The following CLASP2 variants were observed in gnomAD, a reference collection of about 807,000 sequenced individuals.
CLASP2 encodes cytoplasmic linker associated protein 2.
Under a neutral mutation model 194.4 loss-of-function variants are expected in CLASP2, and 47 were observed. The ratio of observed to expected loss-of-function variants is 0.24; its 90% confidence interval spans 0.19 to 0.31. CLASP2 has a LOEUF of 0.31. Ranked by LOEUF, CLASP2 falls within the 10% of genes least tolerant of loss-of-function variation. The probability of loss-of-function intolerance (pLI) is 1.00; values close to 1 mark genes in which losing one functional copy is unlikely to be tolerated. For missense variants in CLASP2, 1,445 were observed against 1,823.6 expected, an observed-to-expected ratio of 0.79 and a Z score of 3.78; for synonymous variants, 619 against 633.5, an observed-to-expected ratio of 0.98 and a Z score of 0.34.
intron 7 of CLASP2, among the ~76,000 whole-genome samples, chr3:33,648,869 C>T (rs1398242097): frequency 1.3e-5 from 2 of 152,220 alleles, no homozygotes; most frequent in South Asian, 2.1e-4. Context: ...CTAGGAATAA[C>T]TGTCACAGCC....
intron 1 of CLASP2, among the ~76,000 whole-genome samples, chr3:33,711,613 T>C (rs376717021): frequency 1.2e-4 from 18 of 150,892 alleles, no homozygotes; most frequent in African/African-American, 4.4e-4. Flanking sequence ...AGACAGAAAA[T>C]AGAATTAAGA....
chr3:33,659,072 T>A (rs2084824986), intron 7 of CLASP2: 1 of 1,524,146 alleles, frequency 6.6e-7, no homozygotes, highest in African/African-American at 1.4e-5. Flanking sequence ...GCCACTGGGC[T>A]CGGCCTGCAG....
intron 34 of CLASP2, among the ~76,000 whole-genome samples, chr3:33,526,011 G>C (rs67727262): frequency 0.2 from 29,750 of 152,128 alleles, 3,306 homozygotes; most frequent in Admixed American, 0.33. Flanking sequence ...ATCTGACCAG[G>C]GGGCGGAAGG....
At chr3:33,585,472 C>T (rs1213320298) in intron 21 of CLASP2, among the ~76,000 whole-genome samples, 1 of 152,052 alleles carries the variant, frequency 6.6e-6, no homozygotes, top group Admixed American at 6.5e-5. Context: ...ATACAGTATG[C>T]CATTAACAAT....
chr3:33,537,958 G>A (rs562508733), intron 33 of CLASP2, among the ~76,000 whole-genome samples: 65 of 152,214 alleles, frequency 4.3e-4, no homozygotes, highest in Admixed American at 7.2e-4. Flanking sequence ...TGGCTAACAC[G>A]GTGAAACCTC....
rs201176809 is a variant in CLASP2 at position 33,562,435 on chromosome 3, TCTTA to T, written c.2767-1468_2767-1465del. Among the ~76,000 whole-genome samples the T allele has an allele frequency of 9.0e-3, 1,373 of 152,348 alleles. 28 individuals carry two copies. Among genetic ancestry groups the T allele is most frequent in the African/African-American group, 0.031 (1,292 of 41,570 alleles). ...TGCATGTAACTAATCTGGTACTCATTCTTACTGTTACCTAGCAAATCTGTTCAGT... is the reference window on the plus strand; with the variant it reads ...TGCATGTAACTAATCTGGTACTCATTCTGTTACCTAGCAAATCTGTTCAGT... On this transcript the variant is annotated intron_variant, in intron 27 of 38. Transcript: ENST00000682230.
intron 34 of CLASP2, among the ~76,000 whole-genome samples, chr3:33,517,842 CG>C (rs1306244437): frequency 6.6e-6 from 1 of 151,998 alleles, no homozygotes; most frequent in African/African-American, 2.4e-5. Context: ...TTTGTGGAGA[CG>C]GGGTTTCGCC....
chr3:33,548,308 A>AT (rs2059462738), intron 30 of CLASP2, among the ~76,000 whole-genome samples: 1 of 151,306 alleles, frequency 6.6e-6, no homozygotes, highest in Non-Finnish European at 1.5e-5. Flanking sequence ...TTTTATTTTT[A>AT]TTTTTTTGAG....
chr3:33,529,815 A>T (rs1040890567), intron 34 of CLASP2, among the ~76,000 whole-genome samples: 1 of 151,836 alleles, frequency 6.6e-6, no homozygotes, highest in Non-Finnish European at 1.5e-5. Context: ...CCCCGTCTCT[A>T]CTAAAAATAC....
intron 28 of CLASP2, among the ~76,000 whole-genome samples, chr3:33,559,866 C>G (rs1489199106): frequency 6.6e-6 from 1 of 152,014 alleles, no homozygotes; most frequent in African/African-American, 2.4e-5. Context: ...TGCACTCCAG[C>G]ATGGGCAACA....
chr3:33,554,644 C>A (rs2060613532), intron 29 of CLASP2: 1 of 152,482 alleles, frequency 6.6e-6, no homozygotes, highest in Non-Finnish European at 1.5e-5. Context: ...CCATGACTCC[C>A]GGTGCTATGA....
At chr3:33,587,741 C>T (rs1035469276) in intron 21 of CLASP2, among the ~76,000 whole-genome samples, 2 of 152,156 alleles carry the variant, frequency 1.3e-5, no homozygotes, top group African/African-American at 4.8e-5. Flanking sequence ...ATATAAGGAA[C>T]CTGTTTTCTC....
intron 24 of CLASP2, among the ~76,000 whole-genome samples, chr3:33,575,275 C>G (rs764337674): frequency 3.3e-5 from 5 of 152,090 alleles, no homozygotes; most frequent in Non-Finnish European, 7.4e-5. Flanking sequence ...CAGAACTACA[C>G]GTGTGATATT....
chr3:33,543,608 G>A, intron 31 of CLASP2, 69 bp from the exon 32 acceptor site: 1 of 911,480 alleles, frequency 1.1e-6, no homozygotes, highest in Non-Finnish European at 1.8e-6. Flanking sequence ...TCTTAAGGAA[G>A]CCACACAAAC....
Position 33,622,298 on chromosome 3 carries a change from C to A in CLASP2, c.1036-18G>T. The A allele has an allele frequency of 7.0e-7, 1 of 1,435,052 alleles. No homozygotes were observed. Among genetic ancestry groups the A allele is most frequent in the Non-Finnish European group, 9.2e-7 (1 of 1,086,170 alleles). The allele number at this position is 1,435,052 out of a possible 1,614,324, so 88.9% of individuals were successfully genotyped here. On this transcript the variant is annotated intron_variant, in intron 10 of 38. Coordinates refer to ENST00000682230, the MANE Select transcript of CLASP2 (RefSeq NM_001365631.1). ...TTCTTCAGCTGAAATAAAGAATTTT[C>A]ATTATTGACAAAAAAGGTGGAAGTG...
chr3:33,632,832 C>T (rs891107666), intron 8 of CLASP2, among the ~76,000 whole-genome samples: 18 of 152,104 alleles, frequency 1.2e-4, no homozygotes, highest in African/African-American at 4.1e-4. Context: ...CATTATTGCA[C>T]ATTGACAATA....
chr3:33,540,406 T>TA (rs1305014498), intron 32 of CLASP2, among the ~76,000 whole-genome samples: 1 of 151,916 alleles, frequency 6.6e-6, no homozygotes, highest in African/African-American at 2.4e-5. Context: ...TAGGCTGATT[T>TA]AAAAAAATTT....
At chr3:33,516,923 C>A in intron 35 of CLASP2, 58 bp downstream of exon 35, 1 of 1,392,682 alleles carries the variant, frequency 7.2e-7, no homozygotes, top group South Asian at 1.2e-5. Context: ...ATTAGATTAA[C>A]AGGCAATGTA....
intron 11 of CLASP2, 119 bp from the exon 12 acceptor site, chr3:33,619,857 T>C: frequency 1.2e-6 from 1 of 815,324 alleles, no homozygotes; most frequent in Admixed American, 4.0e-5. Context: ...TAATCAGTTG[T>C]AATGGCAGAA....
Sources: allele counts gnomAD v4.1 joint callset (sites outside exome capture counted in the v4.1 genomes callset), GRCh38; gene constraint gnomAD v4.1.1; transcripts MANE v1.5; gene names NCBI Gene and HGNC (gene_info 2026-07-23, HGNC 2026-07-21).